Variants in GRID2 observed in about 807,000 individuals in gnomAD.
GRID2 encodes glutamate ionotropic receptor delta type subunit 2.
In GRID2, 33 loss-of-function variants were observed where a neutral mutation model predicts 114.8. The ratio of observed to expected loss-of-function variants is 0.29; its 90% CI spans 0.22 to 0.38. GRID2 has a LOEUF of 0.38. Among genes scored for constraint, GRID2 ranks in the 10% least tolerant of loss-of-function variants. The pLI is 1.00. For missense variants in GRID2, 1,184 were observed against 1,257.7 expected (o/e 0.94, Z 0.89); for synonymous variants, 505 against 449.9 (o/e 1.12, Z -1.55).
At chr4:93,629,802 G>A (rs1469678673) in intron 14 of GRID2, among the ~76,000 whole-genome samples, 1 of 151,974 alleles carries the variant, frequency 6.6e-6, no homozygotes, top group Non-Finnish European at 1.5e-5. Context: ...AATATATAGT[G>A]ATACAGTAAC....
intron 1 of GRID2, among the ~76,000 whole-genome samples, chr4:92,551,157 T>C (rs1378918934): frequency 6.6e-6 from 1 of 152,080 alleles, no homozygotes; most frequent in Non-Finnish European, 1.5e-5. Context: ...AATGATGACA[T>C]CCACAGAGGC....
At chr4:92,903,731 G>C (rs1420110069) in intron 2 of GRID2, among the ~76,000 whole-genome samples, 1 of 151,880 alleles carries the variant, frequency 6.6e-6, no homozygotes, top group Non-Finnish European at 1.5e-5. Flanking sequence ...GAGTTGATAA[G>C]TCTACTAATT....
chr4:93,010,864 A>G (rs948695800), intron 2 of GRID2, among the ~76,000 whole-genome samples: 5 of 151,992 alleles, frequency 3.3e-5, no homozygotes, highest in African/African-American at 1.2e-4. Flanking sequence ...GTGTTGTTTG[A>G]GTTTTCTTCA....
At position 93,224,669 on chromosome 4, in the gene GRID2, A is replaced by G. The variant is rs778344399; in HGVS notation, c.1019A>G (p.Lys340Arg). The G allele has an allele frequency of 1.2e-6, 2 of 1,611,708 alleles. No homozygotes were observed. The highest frequency in any genetic ancestry group is 1.7e-6 in the Non-Finnish European group (2 of 1,178,204). ...TVLLLANAFHKKLEDRKWHSM... is the reference protein window; with the variant it reads ...TVLLLANAFHRKLEDRKWHSM... ...CTTCTGCTTGCTAATGCTTTTCATA[A>G]GAAGCTGGAGGACCGAAAGTGGCAC... Residue 340 changes from lysine (K) to arginine (R), a missense_variant, in exon 7 of 16, where the codon AAG becomes AGG. This residue lies in a region of GRID2 where 455 missense variants were observed against 429.5 expected (regional missense o/e 1.06). Transcript: ENST00000282020.
At chr4:92,444,346 G>A (rs1733319119) in intron 1 of GRID2, among the ~76,000 whole-genome samples, 1 of 151,086 alleles carries the variant, frequency 6.6e-6, no homozygotes, top group African/African-American at 2.5e-5. Context: ...ATAGGATTTG[G>A]GTAGGTAAAC....
intron 2 of GRID2, among the ~76,000 whole-genome samples, chr4:92,713,299 T>C (rs534116518): frequency 2.6e-5 from 4 of 151,368 alleles, no homozygotes; most frequent in African/African-American, 9.7e-5. Flanking sequence ...AGCTAAAATA[T>C]TCTAACTTAC....
intron 14 of GRID2, among the ~76,000 whole-genome samples, chr4:93,720,569 A>G (rs1048836082): frequency 2.0e-5 from 3 of 152,206 alleles, no homozygotes; most frequent in Non-Finnish European, 4.4e-5. Context: ...AGAATTTTGC[A>G]CATATTGGAA....
chr4:92,356,774 G>GA (rs1383228395), intron 1 of GRID2, among the ~76,000 whole-genome samples: 23 of 151,588 alleles, frequency 1.5e-4, no homozygotes, highest in Non-Finnish European at 2.7e-4. Context: ...CTAATGCACT[G>GA]AAAAAATCAA....
intron 2 of GRID2, among the ~76,000 whole-genome samples, chr4:92,840,397 CT>C (rs1282457021): frequency 6.6e-6 from 1 of 151,800 alleles, no homozygotes; most frequent in African/African-American, 2.4e-5. Context: ...GTAGTCTTCT[CT>C]TCCTTCTTTC....
chr4:93,717,215 A>G lies in GRID2; in HGVS notation c.2361-51995A>G, dbSNP rs1405233411. Among the ~76,000 whole-genome samples the G allele has an allele frequency of 2.6e-5, 4 of 152,308 alleles. No homozygotes were observed. In the East Asian group the frequency reaches 5.8e-4, roughly 22 times the overall value. ...ATACTAAAATAACTAATTAAAGACT[A>G]TATTGGCTCTTTTTAAATTCTTGTC... On this transcript the variant is annotated intron_variant, in intron 14 of 15. Coordinates refer to ENST00000282020, the MANE Select transcript of GRID2 (RefSeq NM_001510.4).
At chr4:93,358,214 C>T (rs996468839) in intron 8 of GRID2, among the ~76,000 whole-genome samples, 1 of 151,564 alleles carries the variant, frequency 6.6e-6, no homozygotes, top group Non-Finnish European at 1.5e-5. Flanking sequence ...GTCTTTAGTT[C>T]CTATATTAAA....
chr4:93,781,860 G>A (rs1272434160), intron 1 of GRID2, among the ~76,000 whole-genome samples: 1 of 152,046 alleles, frequency 6.6e-6, no homozygotes, highest in Admixed American at 6.5e-5. Context: ...AGATCCAGAG[G>A]TCTGACTGCA....
At chr4:93,779,878 A>C (rs1477372952) in intron 1 of GRID2, among the ~76,000 whole-genome samples, 1 of 152,192 alleles carries the variant, frequency 6.6e-6, no homozygotes, top group African/African-American at 2.4e-5. Context: ...GCAAAGTGTG[A>C]GTGAGATTGC....
chr4:92,727,241 CTTAA>C lies in GRID2; in HGVS notation c.244+136958_244+136961del, dbSNP rs1462457252. Among the ~76,000 whole-genome samples, 5 of 152,142 alleles carry C rather than the reference CTTAA, an allele frequency of 3.3e-5. No homozygotes were observed. In the South Asian group the frequency reaches 1.0e-3, roughly 32 times the overall value. On this transcript the variant is annotated intron_variant, in intron 2 of 15. Transcript: ENST00000282020. Reference sequence around the variant, plus strand: ...AAAAAGTTCGTATACAATAAAAAGACTTAATTTACAAAATGGTGTTTTAAAGTGT... The same window carrying C: ...AAAAAGTTCGTATACAATAAAAAGACTTTACAAAATGGTGTTTTAAAGTGT...
At chr4:93,748,784 A>T (rs1732065496) in intron 14 of GRID2, among the ~76,000 whole-genome samples, 1 of 152,174 alleles carries the variant, frequency 6.6e-6, no homozygotes, top group African/African-American at 2.4e-5. Context: ...CAATAAGGGG[A>T]CAAAGCAAGG....
intron 2 of GRID2, chr4:92,702,197 G>T (rs149083627): frequency 6.6e-6 from 1 of 152,008 alleles, no homozygotes; most frequent in Admixed American, 6.6e-5. Context: ...TTCATAAAGC[G>T]CCCTCGCCCT....
intron 1 of GRID2, among the ~76,000 whole-genome samples, chr4:92,435,805 T>C (rs958105120): frequency 1.3e-5 from 2 of 152,132 alleles, no homozygotes; most frequent in Admixed American, 1.3e-4. Flanking sequence ...CAAGAAGTGG[T>C]TTGTTCTCCA....
chr4:92,343,367 C>T (rs1008151738), intron 1 of GRID2, among the ~76,000 whole-genome samples: 6 of 151,792 alleles, frequency 4.0e-5, no homozygotes, highest in African/African-American at 7.3e-5. Flanking sequence ...TATAAATGTA[C>T]ACTCTCTGTA....
At chr4:92,794,632 G>A (rs1244491345) in intron 2 of GRID2, among the ~76,000 whole-genome samples, 2 of 151,290 alleles carry the variant, frequency 1.3e-5, no homozygotes, top group Non-Finnish European at 2.9e-5. Flanking sequence ...GTAAACAGAC[G>A]TTTGTCCTAG....
Sources: gnomAD v4.1 joint callset for allele counts (sites outside exome capture counted in the v4.1 genomes callset) on GRCh38, gnomAD v4.1.1 for gene constraint, gnomAD v4.1.1 regional missense constraint, MANE v1.5 for transcripts, NCBI Gene and HGNC (gene_info 2026-07-23, HGNC 2026-07-21) for gene names.